MAX: variants seen among roughly 807,000 people sequenced by gnomAD.
MAX encodes the protein protein max.
Under a neutral mutation model 22.3 loss-of-function variants are expected in MAX, and 3 were observed. The observed-to-expected ratio is 0.13, with a 90% CI of 0.06 to 0.35. The LOEUF (loss-of-function observed/expected upper bound fraction) is 0.35, where lower values mean the gene tolerates loss of function less well. MAX is among the 10% of genes least tolerant of loss of function. The pLI, the probability that MAX is intolerant of heterozygous loss-of-function variation, is 1.00. For missense variants in MAX, 119 were observed against 209.4 expected (o/e 0.57, Z 2.66); for synonymous variants, 72 against 77.7 (o/e 0.93, Z 0.39).
At chr14:65,060,870 C>CAAA (rs58241887) in intron 3 of MAX, among the ~76,000 whole-genome samples, 35 of 79,570 alleles carry the variant, frequency 4.4e-4, no homozygotes, top group Non-Finnish European at 6.3e-4. Context: ...AAGACTCTCT[C>CAAA]AAAAAAAAAA....
chr14:65,044,925 C>T lies in MAX; in HGVS notation c.172-38641G>A, dbSNP rs2062441925. On this transcript the variant is annotated intron_variant, in intron 3 of 3. Transcript: ENST00000341653. The surrounding 1 kb of genome is among the most constrained non-coding windows in gnomAD (Gnocchi z 5.5). ...TTGTAGGGGTGGGTTGCCCCTACAC[C>T]ATGGAGAAGAGACTCGCCGTGTCTG... 6.6e-6 allele frequency among the ~76,000 whole-genome samples: 1 copy of T among 152,084 alleles called. No homozygotes were observed. Among genetic ancestry groups the T allele is most frequent in the Non-Finnish European group, 1.5e-5 (1 of 68,016 alleles).
At chr14:65,087,613 T>G (rs988910315) in intron 3 of MAX, among the ~76,000 whole-genome samples, 1 of 152,230 alleles carries the variant, frequency 6.6e-6, no homozygotes, top group Non-Finnish European at 1.5e-5. Context: ...CCATTTGGAA[T>G]GGCTGTGTTT....
At position 65,007,556 on chromosome 14, in the gene MAX, C is replaced by G. The variant is rs1166308368; in HGVS notation, c.172-1272G>C. On this transcript the variant is annotated intron_variant, in intron 3 of 3. Transcript: ENST00000341653. This position sits in a 1 kb window ranked among gnomAD's most constrained non-coding sequence, Gnocchi z 4.9. ...GCCTGGAGCTGAATGTCAGTACATT[C>G]TATACTTAATCCCCTTCCCAGAAAT... Among the ~76,000 whole-genome samples, 1 of 152,204 alleles carries G rather than the reference C, an allele frequency of 6.6e-6. No homozygotes were observed. The highest frequency in any genetic ancestry group is 1.9e-4 in the East Asian group (1 of 5,192).
At chr14:65,067,950 T>C (rs933104753) in intron 3 of MAX, among the ~76,000 whole-genome samples, 57 of 152,214 alleles carry the variant, frequency 3.7e-4, no homozygotes, top group African/African-American at 1.3e-3. Flanking sequence ...AACAGTTTTT[T>C]GGAGGAAGGC....
intron 3 of MAX, among the ~76,000 whole-genome samples, chr14:65,040,321 ATATATG>A (rs1029000773): frequency 2.3e-4 from 34 of 149,922 alleles, no homozygotes; most frequent in Middle Eastern, 3.6e-3. Flanking sequence ...ATATATGTAC[ATATATG>A]TATATGTATG....
chr14:65,037,660 C>T (rs1028142625), intron 3 of MAX, among the ~76,000 whole-genome samples: 29 of 149,568 alleles, frequency 1.9e-4, no homozygotes, highest in South Asian at 4.2e-4. Context: ...CCTGGGCTGA[C>T]GTAATCCTCC....
intron 3 of MAX, among the ~76,000 whole-genome samples, chr14:65,080,174 G>C (rs1359932639): frequency 6.6e-6 from 1 of 152,186 alleles, no homozygotes; most frequent in Non-Finnish European, 1.5e-5. Context: ...ATGTGTGCAT[G>C]CAACACGCTC....
intron 3 of MAX, among the ~76,000 whole-genome samples, chr14:65,026,794 G>T (rs550576124): frequency 6.6e-6 from 1 of 151,846 alleles, no homozygotes; most frequent in East Asian, 1.9e-4. Context: ...CCTGGGAGAC[G>T]GATGCTGCAA....
At position 65,084,439 on chromosome 14, in the gene MAX, A is replaced by C; in HGVS notation, c.172-6403T>G. 1.6e-6 allele frequency: 1 copy of C among 640,296 alleles called. No individual in the cohort carries two copies. The highest frequency in any genetic ancestry group is 1.7e-5 in the South Asian group (1 of 58,942). 39.7% of individuals were successfully genotyped at this position (640,296 alleles called of 1,614,324 possible). A position where few individuals can be genotyped will look rare whatever the true frequency, so the allele number is the denominator to read the frequency against. ...TGATAATGAAACTGGTACTCTCAAA[A>C]CACTACCAAAAGACTACTCTTTAGA... On this transcript the variant is annotated intron_variant, in intron 3 of 4. Coordinates refer to ENST00000358664, the MANE Select transcript of MAX (RefSeq NM_002382.5). The surrounding 1 kb of genome is among the most constrained non-coding windows in gnomAD (Gnocchi z 4.3).
At chr14:65,061,837 C>G (rs185705208) in intron 3 of MAX, 1 of 155,254 alleles carries the variant, frequency 6.4e-6, no homozygotes, top group East Asian at 1.9e-4. Flanking sequence ...GCACCCTGGT[C>G]ATTTGTAAGG....
rs1349893327 is a variant in MAX, at chr14:65,069,782, T to A, written c.171+23926A>T. Among the ~76,000 whole-genome samples, 1 of 152,226 alleles carries A rather than the reference T, an allele frequency of 6.6e-6. No homozygotes were observed. The highest frequency in any genetic ancestry group is 1.5e-5 in the Non-Finnish European group (1 of 68,026). ...GGGGCTCCCAGTTGGAAATACTTGC[T>A]CACCACCACTCTCTGCACAGAGGTC... On this transcript the variant is annotated intron_variant, in intron 3 of 3. Coordinates refer to the MAX transcript ENST00000341653. The surrounding 1 kb of genome is among the most constrained non-coding windows in gnomAD (Gnocchi z 4.6).
rs1453847286 is a variant in MAX, at chr14:65,077,561, A to G, written c.295+352T>C. The G allele has an allele frequency of 1.1e-6, 1 of 921,946 alleles. No individual in the cohort carries two copies. 57.1% of individuals were successfully genotyped at this position (921,946 alleles called of 1,614,324 possible). On this transcript the variant is annotated intron_variant, in intron 4 of 4. Transcript: ENST00000358664. This position sits in a 1 kb window ranked among gnomAD's most constrained non-coding sequence, Gnocchi z 6.3. ...TGAACACCTGGAGTCTCTGGTACTT[A>G]CACAGCACATTCCACTCCAAGGACC...
rs1050987883 is a variant in MAX, at chr14:65,063,389, C to G, written c.171+30319G>C. The stretch of plus-strand genomic sequence containing the variant: ...GGTTAATAGAAGGGATTGCTTCAGT[C>G]TGAACTGGCTTTTTACCAAGAAGGA... On this transcript the variant is annotated intron_variant, in intron 3 of 3. Transcript: ENST00000341653. 2.0e-5 allele frequency among the ~76,000 whole-genome samples: 3 copies of G among 152,176 alleles called. No individual in the cohort carries two copies. The East Asian group carries it at 5.8e-4, about 29-fold the overall frequency.
chr14:65,065,963 C>T (rs1343504682), intron 3 of MAX, among the ~76,000 whole-genome samples: 3 of 152,208 alleles, frequency 2.0e-5, no homozygotes, highest in Non-Finnish European at 4.4e-5. Flanking sequence ...AGTGGTGGTG[C>T]CTGAGCCCGA....
In MAX at chr14:65,010,399, G is replaced by A. The variant is rs143763368; in HGVS notation, c.172-4115C>T. On this transcript the variant is annotated intron_variant, in intron 3 of 3. Coordinates refer to the MAX transcript ENST00000341653. ...CCTGAATCCCTCTCCTGAGCCTCAC[G>A]TGTGTGTCCAGCAGCCTGATTGACA... 1.3e-3 allele frequency among the ~76,000 whole-genome samples: 194 copies of A among 152,240 alleles called. 1 individual carries two copies. Among genetic ancestry groups the A allele is most frequent in the African/African-American group, 4.6e-3 (193 of 41,542 alleles).
Position 65,056,619 on chromosome 14 carries a change from T to C in MAX, c.171+37089A>G, listed in dbSNP as rs544508934. Among the ~76,000 whole-genome samples the C allele has an allele frequency of 7.2e-5, 11 of 152,332 alleles. No homozygotes were observed. The East Asian group carries it at 2.1e-3, about 29-fold the overall frequency. ...TCAAATGTTTGTTGGCCATTTGTGT[T>C]GTCTTCTGCGAATTGTCTGCCAGTT... On this transcript the variant is annotated intron_variant, in intron 3 of 3. Transcript: ENST00000341653.
At chr14:65,042,036 AT>A (rs1242560016) in intron 3 of MAX, among the ~76,000 whole-genome samples, 1 of 152,108 alleles carries the variant, frequency 6.6e-6, no homozygotes, top group East Asian at 1.9e-4. Context: ...AACAATCCTT[AT>A]TTTTTTAAGG....
chr14:65,097,025 GCAGTGGTCCA>G, intron 2 of MAX, among the ~76,000 whole-genome samples: 1 of 152,318 alleles, frequency 6.6e-6, no homozygotes, highest in Non-Finnish European at 1.5e-5. Context: ...AAGGGGCTAT[GCAGTGGTCCA>G]CAGATGCTCA....
rs750596724 is a variant in MAX at position 65,044,466 on chromosome 14, T to C, written c.172-38182A>G. 6 of 1,587,854 alleles carry C rather than the reference T, an allele frequency of 3.8e-6. No homozygotes were observed. Among genetic ancestry groups the C allele is most frequent in the South Asian group, 1.2e-5 (1 of 86,788 alleles). ...AAGGTGAGCCTGGGGAGCTGTTCACTTGGGGCTGGATGATTTCCCTCCACT... is the reference window on the plus strand; with the variant it reads ...AAGGTGAGCCTGGGGAGCTGTTCACCTGGGGCTGGATGATTTCCCTCCACT... On this transcript the variant is annotated intron_variant, in intron 3 of 3. Transcript: ENST00000341653. This position sits in a 1 kb window ranked among gnomAD's most constrained non-coding sequence, Gnocchi z 5.5.
Sources: gnomAD v4.1 joint callset for allele counts (sites outside exome capture counted in the v4.1 genomes callset) on GRCh38, gnomAD v4.1.1 for gene constraint, Gnocchi (gnomAD v3.1) non-coding constraint, MANE v1.5 for transcripts, NCBI Gene and HGNC (gene_info 2026-07-23, HGNC 2026-07-21) for gene names.